Variants in RIC1 observed in about 807,000 individuals in gnomAD.
RIC1 encodes the protein guanine nucleotide exchange factor subunit RIC1.
In RIC1, 88 loss-of-function variants were observed where a neutral mutation model predicts 169.0. The ratio of observed to expected loss-of-function variants is 0.52; its 90% CI spans 0.44 to 0.62. RIC1 has a LOEUF of 0.62. Ranked by LOEUF, RIC1 falls within the 20% of genes least tolerant of loss-of-function variation. The pLI is 0.00. For missense variants in RIC1, 1,877 were observed against 1,725.5 expected, an observed-to-expected ratio of 1.09 and a Z score of -1.56; for synonymous variants, 790 against 601.5, an observed-to-expected ratio of 1.31 and a Z score of -4.59.
At chr9:5,643,013 T>C (rs1358751808) in intron 1 of RIC1, among the ~76,000 whole-genome samples, 2 of 152,282 alleles carry the variant, frequency 1.3e-5, no homozygotes, top group South Asian at 4.2e-4. Context: ...AAAACAATTT[T>C]ATAAGTCTGG....
chr9:5,777,680 A>G (rs2131178720), downstream of RIC1, among the ~76,000 whole-genome samples: 1 of 152,164 alleles, frequency 6.6e-6, no homozygotes, highest in East Asian at 1.9e-4. Context: ...CATATATGAT[A>G]TGAAAGAGAG....
At chr9:5,652,912 T>C (rs139573039) in intron 1 of RIC1, among the ~76,000 whole-genome samples, 1 of 152,224 alleles carries the variant, frequency 6.6e-6, no homozygotes, top group South Asian at 2.1e-4. Flanking sequence ...TTGTCAAGAA[T>C]AGATGTTGAG....
In RIC1 at chr9:5,734,694, A is replaced by C. The variant is rs77554260; in HGVS notation, c.812+2215A>C. 8.8e-3 allele frequency among the ~76,000 whole-genome samples: 1,340 copies of C among 152,290 alleles called. 23 individuals are homozygous for C. Among genetic ancestry groups the C allele is most frequent in the African/African-American group, 0.03 (1,244 of 41,568 alleles). On this transcript the variant is annotated intron_variant, in intron 7 of 25. Transcript: ENST00000414202. ...TCTCCAGTCACAAACTGCCTCTGCT[A>C]CTTCCTAGTCACAACTCTTATTCCC...
intron 1 of RIC1, among the ~76,000 whole-genome samples, chr9:5,645,366 T>C (rs1041753367): frequency 3.9e-5 from 6 of 152,234 alleles, no homozygotes; most frequent in African/African-American, 1.4e-4. Context: ...AATATTTCTC[T>C]TATTATTCAG....
intron 2 of RIC1, among the ~76,000 whole-genome samples, chr9:5,681,973 A>ATT (rs1173502022): frequency 6.6e-6 from 1 of 152,074 alleles, no homozygotes; most frequent in Non-Finnish European, 1.5e-5. Flanking sequence ...CGAGAGTAGG[A>ATT]TTGCAACCCC....
chr9:5,713,772 A>T, intron 3 of RIC1, 124 bp from the exon 4 acceptor site: 1 of 543,856 alleles, frequency 1.8e-6, no homozygotes, highest in Non-Finnish European at 3.3e-6. Context: ...TCATTTGAGA[A>T]TCTGAAGGAT....
At chr9:5,738,742 A>G (rs762239270) in intron 8 of RIC1, among the ~76,000 whole-genome samples, 5 of 152,110 alleles carry the variant, frequency 3.3e-5, no homozygotes, top group Admixed American at 3.3e-4. Context: ...TATTTTGTCC[A>G]TTTGACCTAG....
chr9:5,717,052 GT>G (rs1204748042), intron 4 of RIC1, among the ~76,000 whole-genome samples: 2 of 152,076 alleles, frequency 1.3e-5, no homozygotes, highest in East Asian at 3.8e-4. Context: ...TATTTATTAT[GT>G]CTGTCACAGT....
chr9:5,714,934 C>T (rs1258293879), intron 4 of RIC1, among the ~76,000 whole-genome samples: 1 of 152,166 alleles, frequency 6.6e-6, no homozygotes, highest in Non-Finnish European at 1.5e-5. Context: ...CTCTGACTCA[C>T]AGTTCTAAGT....
At chr9:5,727,116 G>A (rs1377343368) in intron 6 of RIC1, among the ~76,000 whole-genome samples, 1 of 152,124 alleles carries the variant, frequency 6.6e-6, no homozygotes, top group Non-Finnish European at 1.5e-5. Context: ...GCTAGGTTGG[G>A]GAAGTTCTCC....
At chr9:5,732,554 G>A (rs1824435308) in intron 7 of RIC1, 75 bp downstream of exon 7, 2 of 894,482 alleles carry the variant, frequency 2.2e-6, no homozygotes, top group Non-Finnish European at 1.8e-6. Context: ...GTAAACATAA[G>A]ATGTTCCTAA....
At chr9:5,724,265 G>A (rs1245635401) in intron 6 of RIC1, among the ~76,000 whole-genome samples, 1 of 152,124 alleles carries the variant, frequency 6.6e-6, no homozygotes, top group African/African-American at 2.4e-5. Flanking sequence ...TCCTTGAAGA[G>A]GTCCTTCACA....
At chr9:5,742,067 A>C (rs1825115319) in intron 8 of RIC1, among the ~76,000 whole-genome samples, 1 of 152,160 alleles carries the variant, frequency 6.6e-6, no homozygotes, top group Non-Finnish European at 1.5e-5. Context: ...TTATCAAGGG[A>C]GTATTATTTT....
At chr9:5,652,797 A>C (rs142573682) in intron 1 of RIC1, among the ~76,000 whole-genome samples, 33 of 152,218 alleles carry the variant, frequency 2.2e-4, no homozygotes, top group African/African-American at 7.2e-4. Context: ...TTAGAGGAAA[A>C]GATTTCAACT....
At chr9:5,700,275 C>A (rs1822135956) in intron 3 of RIC1, among the ~76,000 whole-genome samples, 1 of 152,088 alleles carries the variant, frequency 6.6e-6, no homozygotes, top group African/African-American at 2.4e-5. Context: ...AAATTTAGAA[C>A]ATTATTGAGG....
rs375389900 is a variant in RIC1 at position 5,629,423 on chromosome 9, C to A, written c.114C>A (p.Ala38=). The change falls in exon 1 of 26, where the codon GCC becomes GCA. Residue 38 remains alanine, a synonymous_variant. Transcript: ENST00000414202. ...AGAGGGCTTTCTTCGCCGTGCTGGC[C>A]GCGGCCCGCCTCAGCATCTGGTACA... ...DPQRAFFAVL[A]AARLSIWYSR... 17 of 1,533,714 alleles carry A rather than the reference C, an allele frequency of 1.1e-5. No homozygotes were observed. The African/African-American group carries it at 2.2e-4, about 20-fold the overall frequency.
At chr9:5,685,381 C>T (rs1821154459) in intron 2 of RIC1, among the ~76,000 whole-genome samples, 1 of 151,696 alleles carries the variant, frequency 6.6e-6, no homozygotes, top group African/African-American at 2.4e-5. Flanking sequence ...AACTATACTA[C>T]AAGGCTACAG....
intron 17 of RIC1, among the ~76,000 whole-genome samples, chr9:5,762,288 C>G (rs1826389160): frequency 6.6e-6 from 1 of 152,172 alleles, no homozygotes; most frequent in Non-Finnish European, 1.5e-5. Flanking sequence ...TTAGCTTTTT[C>G]AGGATAATTC....
chr9:5,716,872 T>C (rs1266801844), intron 4 of RIC1, among the ~76,000 whole-genome samples: 2 of 152,218 alleles, frequency 1.3e-5, no homozygotes, highest in African/African-American at 4.8e-5. Context: ...GTAGTCTCAC[T>C]GTGCTGCTCA....
Sources: allele counts gnomAD v4.1 joint callset (sites outside exome capture counted in the v4.1 genomes callset), GRCh38; gene constraint gnomAD v4.1.1; transcripts MANE v1.5; gene names NCBI Gene and HGNC (gene_info 2026-07-23, HGNC 2026-07-21).